PIK3C2G: variants seen among roughly 807,000 people sequenced by gnomAD.
The protein encoded by PIK3C2G is phosphatidylinositol 3-kinase C2 domain-containing subunit gamma.
Under a neutral mutation model 181.1 loss-of-function variants are expected in PIK3C2G, and 168 were observed. The ratio of observed to expected loss-of-function variants is 0.93; its 90% confidence interval spans 0.82 to 1.05. The LOEUF (loss-of-function observed/expected upper bound fraction) is 1.05. Among genes scored for constraint, PIK3C2G ranks in the 50% least tolerant of loss-of-function variants. PIK3C2G has a pLI of 0.00. For synonymous variants in PIK3C2G, 573 were observed against 592.2 expected (o/e 0.97, Z 0.47); for missense variants, 1,869 against 1,732.8 (o/e 1.08, Z -1.40).
intron 26 of PIK3C2G, among the ~76,000 whole-genome samples, chr12:18,555,013 T>C (rs76534840): frequency 0.045 from 6,802 of 152,208 alleles, 337 homozygotes; most frequent in African/African-American, 0.13. Context: ...ATTGCAACTC[T>C]TCCTGTATTT....
intron 24 of PIK3C2G, among the ~76,000 whole-genome samples, chr12:18,510,292 C>T (rs1942122063): frequency 6.6e-6 from 1 of 152,144 alleles, no homozygotes; most frequent in African/African-American, 2.4e-5. Context: ...TTTTCTTTCA[C>T]CGATACAAAT....
At chr12:18,718,561 CACTT>C in the PIK3C2G span, among the ~76,000 whole-genome samples, 1 of 152,090 alleles carries the variant, frequency 6.6e-6, no homozygotes, top group African/African-American at 2.4e-5. Flanking sequence ...ACATGCCAAT[CACTT>C]ACTCTGTTTA....
chr12:18,716,718 T>A, the PIK3C2G span, among the ~76,000 whole-genome samples: 1 of 152,236 alleles, frequency 6.6e-6, no homozygotes, highest in Non-Finnish European at 1.5e-5. Context: ...CATCTATTTA[T>A]CTTTAAATTT....
intron 18 of PIK3C2G, among the ~76,000 whole-genome samples, chr12:18,461,228 T>C (rs1947904957): frequency 6.6e-6 from 1 of 152,162 alleles, no homozygotes. Context: ...ACGTCATTTT[T>C]GCAACTTACC....
the PIK3C2G span, among the ~76,000 whole-genome samples, chr12:18,677,219 T>C: frequency 6.6e-6 from 1 of 152,068 alleles, no homozygotes; most frequent in South Asian, 2.1e-4. Context: ...TGCACAAATA[T>C]GTGAGCACTT....
At chr12:18,606,345 T>C (rs1006924045) in intron 30 of PIK3C2G, among the ~76,000 whole-genome samples, 1 of 152,158 alleles carries the variant, frequency 6.6e-6, no homozygotes, top group Non-Finnish European at 1.5e-5. Context: ...ATAATGTTCG[T>C]TGTGCCTCAA....
chr12:18,570,717 A>G (rs1053975177), intron 29 of PIK3C2G, among the ~76,000 whole-genome samples: 1 of 150,288 alleles, frequency 6.7e-6, no homozygotes, highest in Non-Finnish European at 1.5e-5. Context: ...TCATTGTAGC[A>G]TATCTATGCA....
intron 18 of PIK3C2G, among the ~76,000 whole-genome samples, chr12:18,425,340 G>A (rs1289714006): frequency 1.3e-5 from 2 of 149,814 alleles, no homozygotes; most frequent in African/African-American, 2.5e-5. Flanking sequence ...TTGAAGTAAA[G>A]AAGGAAATGG....
chr12:18,290,366 A>C (rs2137190594), intron 3 of PIK3C2G, among the ~76,000 whole-genome samples: 1 of 152,356 alleles, frequency 6.6e-6, no homozygotes. Context: ...TGTAGTATCC[A>C]AAAATTTTAA....
intron 18 of PIK3C2G, among the ~76,000 whole-genome samples, chr12:18,436,311 G>T (rs1353067524): frequency 6.6e-6 from 1 of 151,958 alleles, no homozygotes; most frequent in Non-Finnish European, 1.5e-5. Context: ...CATATTATTT[G>T]CCAGAATTGG....
chr12:18,615,371 ATG>A lies in PIK3C2G; in HGVS notation c.4182+5746_4182+5747del, dbSNP rs754189397. On this transcript the variant is annotated intron_variant, in intron 31 of 32. Transcript: ENST00000538779. ...TGTGTGTGTGTGTGTGTGTGTGTGTATGTGTATATATATATATCACGGTAGTA... is the reference window on the plus strand; with the variant it reads ...TGTGTGTGTGTGTGTGTGTGTGTGTATGTATATATATATATCACGGTAGTA... Among the ~76,000 whole-genome samples, 145 of 98,766 alleles carry A rather than the reference ATG, an allele frequency of 1.5e-3. 1 individual carries two copies. Among genetic ancestry groups the A allele is most frequent in the East Asian group, 7.1e-3 (24 of 3,388 alleles). The allele number at this position is 98,766 out of a possible 152,430, so 64.8% of individuals were successfully genotyped here.
rs184913523 is a variant in PIK3C2G, at chr12:18,447,496, T to C, written c.2504+23457T>C. Among the ~76,000 whole-genome samples the C allele has an allele frequency of 2.0e-5, 3 of 152,272 alleles. No homozygotes were observed. In the East Asian group the frequency reaches 5.8e-4, roughly 29 times the overall value. ...GGGTTGCCACCTGGCATATATCCTATTAACACACAGATACACGCACTTCAT... is the reference window on the plus strand; with the variant it reads ...GGGTTGCCACCTGGCATATATCCTACTAACACACAGATACACGCACTTCAT... On this transcript the variant is annotated intron_variant, in intron 18 of 32. Transcript: ENST00000538779.
At chr12:18,616,384 A>G (rs1948610555) in intron 31 of PIK3C2G, among the ~76,000 whole-genome samples, 1 of 152,134 alleles carries the variant, frequency 6.6e-6, no homozygotes, top group African/African-American at 2.4e-5. Context: ...AAATATCCAC[A>G]ATCCAGAAAA....
chr12:18,405,505 C>T (rs992254420), intron 16 of PIK3C2G, among the ~76,000 whole-genome samples: 3 of 151,218 alleles, frequency 2.0e-5, no homozygotes, highest in African/African-American at 7.3e-5. Flanking sequence ...CAGCAACCTC[C>T]GCCTCCCCGG....
intron 8 of PIK3C2G, among the ~76,000 whole-genome samples, chr12:18,335,259 A>G (rs1343306253): frequency 6.6e-6 from 1 of 152,122 alleles, no homozygotes; most frequent in African/African-American, 2.4e-5. Flanking sequence ...CTAAGATTTC[A>G]GCACTTGTCC....
At chr12:18,300,370 C>T (rs532376994) in intron 5 of PIK3C2G, among the ~76,000 whole-genome samples, 2 of 152,012 alleles carry the variant, frequency 1.3e-5, no homozygotes, top group South Asian at 4.1e-4. Context: ...TTATTGGAGA[C>T]AAACCTTAGT....
In PIK3C2G at chr12:18,546,396, A is replaced by G. The variant is rs752882246; in HGVS notation, c.3554A>G (p.Gln1185Arg). 6 of 1,600,100 alleles carry G rather than the reference A, an allele frequency of 3.7e-6. No homozygotes were observed. The highest frequency in any genetic ancestry group is 5.1e-6 in the Non-Finnish European group (6 of 1,172,082). ...TATGTGTATAATAATCTTCGTCCAC[A>G]AGACACAGACCTGGAAGCAACAAGT... The part of the protein sequence containing the change: ...LKYVYNNLRP[Q>R]DTDLEATSHF... The change falls in exon 26 of 33, where the codon CAA becomes CGA. Residue 1185 changes from glutamine (Q) to arginine (R), a missense_variant. Physicochemically the swap from Gln to Arg is conservative, Grantham distance 43 (BLOSUM62 1). Coordinates refer to ENST00000538779, the MANE Select transcript of PIK3C2G (RefSeq NM_001288772.2).
intron 1 of PIK3C2G, among the ~76,000 whole-genome samples, chr12:18,255,108 TG>T (rs1565524033): frequency 2.0e-4 from 30 of 151,236 alleles, no homozygotes; most frequent in Admixed American, 7.9e-4. Flanking sequence ...ACCAGCTACT[TG>T]GGAGGCTGAG....
the PIK3C2G span, among the ~76,000 whole-genome samples, chr12:18,724,813 C>T: frequency 3.3e-5 from 5 of 151,782 alleles, no homozygotes; most frequent in East Asian, 1.9e-4. Flanking sequence ...AAAATGTGCC[C>T]GTAATCCCTG....
Sources: allele counts gnomAD v4.1 joint callset (sites outside exome capture counted in the v4.1 genomes callset), GRCh38; gene constraint gnomAD v4.1.1; transcripts MANE v1.5; gene names NCBI Gene and HGNC (gene_info 2026-07-23, HGNC 2026-07-21).